WFIKKN1: variants seen among roughly 807,000 people sequenced by gnomAD.
WFIKKN1 encodes the protein WAP, Kazal, immunoglobulin, Kunitz and NTR domain-containing protein 1.
In WFIKKN1, 6 loss-of-function variants were observed where a neutral mutation model predicts 4.6. That is an observed-to-expected ratio of 1.31 (90% CI 0.72 to 2.59). The LOEUF is 2.59. WFIKKN1 is among the 30% of genes most tolerant of loss of function. The probability of loss-of-function intolerance (pLI) is 0.00; values close to 1 mark genes in which losing one functional copy is unlikely to be tolerated. For synonymous variants in WFIKKN1, 468 were observed against 367.4 expected (o/e 1.27, Z -3.13); for missense variants, 964 against 818.0 (o/e 1.18, Z -2.18).
chr16:631,134 G>A lies in WFIKKN1; in HGVS notation c.-120G>A, dbSNP rs1313157899. The A allele has an allele frequency of 3.3e-6, 4 of 1,199,900 alleles. No individual in the cohort carries two copies. Among genetic ancestry groups the A allele is most frequent in the Non-Finnish European group, 4.5e-6 (4 of 888,670 alleles). The allele number at this position is 1,199,900 out of a possible 1,614,324, so 74.3% of individuals were successfully genotyped here. A position where few individuals can be genotyped will look rare whatever the true frequency, so the allele number is the denominator to read the frequency against. ...CTCAGGGGCAAAAGGGAGCCCCGGG[G>A]TCCTGGTGGGGGCACCGACCACAGG... is the stretch of plus-strand genomic sequence containing the variant. On this transcript the variant is annotated 5_prime_UTR_variant, in exon 1 of 2. Transcript: ENST00000319070.
In WFIKKN1 at chr16:631,286, G is replaced by A. The variant is rs1355411439; in HGVS notation, c.33G>A (p.Leu11=). 1 of 1,591,772 alleles carries A rather than the reference G, an allele frequency of 6.3e-7. No individual in the cohort carries two copies. Among genetic ancestry groups the A allele is most frequent in the East Asian group, 2.3e-5 (1 of 44,282 alleles). MPALRPLLPL[L]LLLRLTSGAG... ...CCCTACGTCCACTCCTGCCGCTCCT[G>A]CTCCTCCTCCGGCTGACCTCGGGGG... Residue 11 remains leucine, a synonymous_variant, in exon 1 of 2, where the codon CTG becomes CTA. Coordinates refer to ENST00000319070, the MANE Select transcript of WFIKKN1 (RefSeq NM_053284.3).
chr16:631,488 AG>A, intron 1 of WFIKKN1, 64 bp downstream of exon 1: 1 of 1,558,420 alleles, frequency 6.4e-7, no homozygotes, highest in African/African-American at 1.4e-5. Context: ...ACCCTGCTGG[AG>A]GTGCCACCTT....
At chr16:632,255 G>A (rs966212917) in intron 1 of WFIKKN1, 6 of 265,484 alleles carry the variant, frequency 2.3e-5, no homozygotes, top group East Asian at 6.7e-5. Context: ...TGCTGCAGCC[G>A]ATGTCCAGCC....
In WFIKKN1 at chr16:633,706, C is replaced by T. The variant is rs1237017092; in HGVS notation, c.1296C>T (p.Arg432=). 6.3e-7 allele frequency: 1 copy of T among 1,585,988 alleles called. No homozygotes were observed. The highest frequency in any genetic ancestry group is 8.6e-7 in the Non-Finnish European group (1 of 1,166,594). The stretch of plus-strand genomic sequence containing the variant: ...GCAAGCTGGCGCTGAGCCTGTGCCG[C>T]AGCGACTTCGCCATCGTGGGGCGGC... The part of the protein sequence containing the change: ...LRSKLALSLC[R]SDFAIVGRLT... Residue 432 remains arginine, a synonymous_variant, in exon 2 of 2, where the codon CGC becomes CGT. Coordinates refer to ENST00000319070, the MANE Select transcript of WFIKKN1 (RefSeq NM_053284.3).
chr16:633,357 T>G lies in WFIKKN1; in HGVS notation c.947T>G (p.Leu316Arg). The change falls in exon 2 of 2, where the codon CTC (leucine) becomes CGC (arginine). Residue 316 changes from leucine (L) to arginine (R), a missense_variant. Leu to Arg is a moderately radical substitution (Grantham distance 102). Transcript: ENST00000319070. Reference protein sequence around the residue: ...CTGPTSPHLVLWHYDPQRGGC... With the variant: ...CTGPTSPHLVRWHYDPQRGGC... Reference sequence around the variant, plus strand: ...GGCCCCACTTCCCCACACCTTGTCCTCTGGCACTACGACCCGCAGCGGGGC... The same window carrying G: ...GGCCCCACTTCCCCACACCTTGTCCGCTGGCACTACGACCCGCAGCGGGGC... 2.5e-6 allele frequency: 4 copies of G among 1,574,244 alleles called. No individual in the cohort carries two copies. Among genetic ancestry groups the G allele is most frequent in the Non-Finnish European group, 2.6e-6 (3 of 1,165,426 alleles).
In WFIKKN1 at chr16:633,596, G is replaced by C; in HGVS notation, c.1186G>C (p.Gly396Arg). Residue 396 changes from glycine to arginine, a missense_variant, in exon 2 of 2, where the codon GGC becomes CGC. Gly to Arg is a moderately radical substitution (Grantham distance 125). Coordinates refer to ENST00000319070, the MANE Select transcript of WFIKKN1 (RefSeq NM_053284.3). ...CGTGTACGGTGGCTGCGAGGGCAAC[G>C]GCAACAACTTCCACAGCCGCGAGAG... Reference protein sequence around the residue: ...PFVYGGCEGNGNNFHSRESCE... With the variant: ...PFVYGGCEGNRNNFHSRESCE... 3 of 1,572,882 alleles carry C rather than the reference G, an allele frequency of 1.9e-6. No homozygotes were observed. The highest frequency in any genetic ancestry group is 4.8e-5 in the East Asian group (2 of 42,102).
chr16:633,545 C>G lies in WFIKKN1; in HGVS notation c.1135C>G (p.Pro379Ala). 2.0e-6 allele frequency: 3 copies of G among 1,534,986 alleles called. No homozygotes were observed. The highest frequency in any genetic ancestry group is 2.0e-5 in the Admixed American group (1 of 49,712). Residue 379 changes from proline (P) to alanine (A), a missense_variant, in exon 2 of 2, where the codon CCG becomes GCG. Coordinates refer to ENST00000319070, the MANE Select transcript of WFIKKN1 (RefSeq NM_053284.3). ...RGWEPRWAYSPLLQQCHPFVY... is the reference protein window; with the variant it reads ...RGWEPRWAYSALLQQCHPFVY... Reference sequence around the variant, plus strand: ...CTGGGAGCCGCGCTGGGCCTACAGCCCGCTGCTGCAGCAGTGCCATCCCTT... The same window carrying G: ...CTGGGAGCCGCGCTGGGCCTACAGCGCGCTGCTGCAGCAGTGCCATCCCTT...
chr16:633,131 G>T lies in WFIKKN1; in HGVS notation c.721G>T (p.Val241Leu), dbSNP rs1272562414. The T allele has an allele frequency of 6.2e-7, 1 of 1,607,184 alleles. No individual in the cohort carries two copies. Among genetic ancestry groups the T allele is most frequent in the Non-Finnish European group, 8.5e-7 (1 of 1,176,010 alleles). Residue 241 changes from valine (V) to leucine (L), a missense_variant, in exon 2 of 2, where the codon GTG (valine) becomes TTG (leucine). Physicochemically the swap from Val to Leu is conservative, Grantham distance 32 (BLOSUM62 1). Transcript: ENST00000319070. ...CCCTGATCAGATGTATGGCAACGTG[G>T]TGGTCACCAGCATCGGGCAGCTGGT... ...MRPDQMYGNV[V>L]VTSIGQLVLY... is the part of the protein sequence containing the mutation.
rs141968670 is a variant in WFIKKN1, at chr16:631,421, C to A, written c.168C>A (p.Asp56Glu). Residue 56 changes from aspartate (D) to glutamate (E), a missense_variant, in exon 1 of 2, where the codon GAC becomes GAA. Physicochemically the swap from Asp to Glu is conservative, Grantham distance 45. Coordinates refer to ENST00000319070, the MANE Select transcript of WFIKKN1 (RefSeq NM_053284.3). ...CCTGTGAGCGCGAGTGTAGCAGGGA[C>A]CAGGTGAGTGTGGTCGGGCCGGGGT... is the stretch of plus-strand genomic sequence containing the variant. ...QSTCERECSRDQDCAAAEKCC... is the reference protein window; with the variant it reads ...QSTCERECSREQDCAAAEKCC... The A allele has an allele frequency of 6.2e-7, 1 of 1,607,058 alleles. No homozygotes were observed. The highest frequency in any genetic ancestry group is 2.2e-5 in the East Asian group (1 of 44,518).
rs1322170311 is a variant in WFIKKN1, at chr16:633,721, C to T, written c.1311C>T (p.Ile437=). 1.9e-6 allele frequency: 3 copies of T among 1,587,416 alleles called. No individual in the cohort carries two copies. The highest frequency in any genetic ancestry group is 1.8e-5 in the Admixed American group (1 of 56,614). The change falls in exon 2 of 2, where the codon ATC becomes ATT. Residue 437 remains isoleucine (I), a synonymous_variant. Transcript: ENST00000319070. ...ALSLCRSDFA[I]VGRLTEVLEE... ...GCCTGTGCCGCAGCGACTTCGCCAT[C>T]GTGGGGCGGCTCACGGAGGTGCTGG...
rs149878346 is a variant in WFIKKN1 at position 633,475 on chromosome 16, C to T, written c.1065C>T (p.Pro355=). The change falls in exon 2 of 2, where the codon CCC becomes CCT. Residue 355 remains proline (P), a synonymous_variant. Transcript: ENST00000319070. ...EACQQACARG[P]GDACVLPAVQ... is the part of the protein sequence containing the mutation. ...GCCAGCAGGCCTGTGCCCGCGGCCC[C>T]GGCGACGCCTGCGTGCTGCCTGCCG... 925 of 1,520,724 alleles carry T rather than the reference C, an allele frequency of 6.1e-4. 3 individuals carry two copies. The African/African-American group carries it at 0.01, about 17-fold the overall frequency. The allele number at this position is 1,520,724 out of a possible 1,614,324, so 94.2% of individuals were successfully genotyped here. A position where few individuals can be genotyped will look rare whatever the true frequency, so the allele number is the denominator to read the frequency against.
Position 633,203 on chromosome 16 carries a change from G to A in WFIKKN1, c.793G>A (p.Ala265Thr), listed in dbSNP as rs534050552. 3.6e-5 allele frequency: 57 copies of A among 1,591,330 alleles called. No individual in the cohort carries two copies. Among genetic ancestry groups the A allele is most frequent in the Non-Finnish European group, 4.9e-5 (57 of 1,168,556 alleles). The change falls in exon 2 of 2, where the codon GCG becomes ACG. Residue 265 changes from alanine to threonine, a missense_variant. By Grantham distance (58) the Ala-to-Thr change is moderately conservative. Coordinates refer to ENST00000319070, the MANE Select transcript of WFIKKN1 (RefSeq NM_053284.3). ...PEDAGLYTCTARNAAGLLRAD... is the reference protein window; with the variant it reads ...PEDAGLYTCTTRNAAGLLRAD... ...AGACGCCGGCCTGTACACCTGCACC[G>A]CGCGCAACGCTGCTGGGCTGCTGCG...
Position 633,951 on chromosome 16 carries a change from T to C in WFIKKN1, c.1541T>C (p.Leu514Pro). Reference sequence around the variant, plus strand: ...GAGGTGCGCGATGGCGTGGCCGTGCTGGACGCCGGCAGCTACGTCCGCGCC... The same window carrying C: ...GAGGTGCGCGATGGCGTGGCCGTGCCGGACGCCGGCAGCTACGTCCGCGCC... ...MGEVRDGVAV[L>P]DAGSYVRAAS... Residue 514 changes from leucine (L) to proline (P), a missense_variant, in exon 2 of 2, where the codon CTG (leucine) becomes CCG (proline). By Grantham distance (98) the Leu-to-Pro change is moderately conservative (BLOSUM62 -3). Transcript: ENST00000319070. The C allele has an allele frequency of 6.3e-7, 1 of 1,596,732 alleles. No homozygotes were observed. The highest frequency in any genetic ancestry group is 8.5e-7 in the Non-Finnish European group (1 of 1,172,578).
At position 633,324 on chromosome 16, in the gene WFIKKN1, C is replaced by A. The variant is rs544094050; in HGVS notation, c.914C>A (p.Ala305Asp). ...APAECLPDVQACTGPTSPHLV... is the reference protein window; with the variant it reads ...APAECLPDVQDCTGPTSPHLV... ...GCCGAGTGCCTGCCGGATGTGCAGG[C>A]CTGCACGGGCCCCACTTCCCCACAC... The change falls in exon 2 of 2, where the codon GCC (alanine) becomes GAC (aspartate). Residue 305 changes from alanine to aspartate, a missense_variant. By Grantham distance (126) the Ala-to-Asp change is moderately radical. Transcript: ENST00000319070. 3.8e-5 allele frequency: 60 copies of A among 1,586,786 alleles called. No individual in the cohort carries two copies. The Admixed American group carries it at 1.0e-3, about 26-fold the overall frequency.
In WFIKKN1 at chr16:634,022, C is replaced by A; in HGVS notation, c.1612C>A (p.Gln538Lys). 1.3e-6 allele frequency: 2 copies of A among 1,598,126 alleles called. No individual in the cohort carries two copies. The highest frequency in any genetic ancestry group is 1.1e-5 in the South Asian group (1 of 89,314). Reference sequence around the variant, plus strand: ...GAAGATCTTGGAGCTGCTGGAGAAGCAGGCCTGCGAGCTGCTCAACCGCTT... The same window carrying A: ...GAAGATCTTGGAGCTGCTGGAGAAGAAGGCCTGCGAGCTGCTCAACCGCTT... ...VKKILELLEK[Q>K]ACELLNRFQD Residue 538 changes from glutamine to lysine, a missense_variant, in exon 2 of 2, where the codon CAG becomes AAG. By Grantham distance (53) the Gln-to-Lys change is moderately conservative (BLOSUM62 1). Coordinates refer to ENST00000319070, the MANE Select transcript of WFIKKN1 (RefSeq NM_053284.3).
Position 631,215 on chromosome 16 carries a change from G to C in WFIKKN1, c.-39G>C. ...GCTCTGTGGAGCCCGAGGAGGGGCT[G>C]GTGGCCACACCCCCCGGCCCCCTGG... On this transcript the variant is annotated 5_prime_UTR_variant, in exon 1 of 2. Transcript: ENST00000319070. 1 of 1,526,830 alleles carries C rather than the reference G, an allele frequency of 6.5e-7. No individual in the cohort carries two copies. The highest frequency in any genetic ancestry group is 8.7e-7 in the Non-Finnish European group (1 of 1,142,900). 94.6% of individuals were successfully genotyped at this position (1,526,830 alleles called of 1,614,324 possible).
Position 633,987 on chromosome 16 carries a change from A to G in WFIKKN1, c.1577A>G (p.Lys526Arg). The G allele has an allele frequency of 6.2e-7, 1 of 1,603,018 alleles. No individual in the cohort carries two copies. Among genetic ancestry groups the G allele is most frequent in the Non-Finnish European group, 8.5e-7 (1 of 1,175,586 alleles). The part of the protein sequence containing the change: ...AGSYVRAASE[K>R]RVKKILELLE... The stretch of plus-strand genomic sequence containing the variant: ...AGCTACGTCCGCGCCGCCAGCGAGA[A>G]GCGCGTCAAGAAGATCTTGGAGCTG... Residue 526 changes from lysine (K) to arginine (R), a missense_variant, in exon 2 of 2, where the codon AAG becomes AGG. Lys to Arg is a conservative substitution (Grantham distance 26). Coordinates refer to ENST00000319070, the MANE Select transcript of WFIKKN1 (RefSeq NM_053284.3).
In WFIKKN1 at chr16:634,088, G is replaced by A. The variant is rs1473436519; in HGVS notation, c.*31G>A. 1 of 1,511,258 alleles carries A rather than the reference G, an allele frequency of 6.6e-7. No homozygotes were observed. Among genetic ancestry groups the A allele is most frequent in the East Asian group, 2.3e-5 (1 of 42,974 alleles). 93.6% of individuals were successfully genotyped at this position (1,511,258 alleles called of 1,614,324 possible). Reference sequence around the variant, plus strand: ...GCAGGGGCCTGCGCCACCCCGTCCTGGTGAATAAACGCACTCCCTGTGCCT... The same window carrying A: ...GCAGGGGCCTGCGCCACCCCGTCCTAGTGAATAAACGCACTCCCTGTGCCT... On this transcript the variant is annotated 3_prime_UTR_variant, in exon 2 of 2. Transcript: ENST00000319070.
At chr16:631,562 ACC>A (rs2036948868) in intron 1 of WFIKKN1, 138 bp downstream of exon 1, 1 of 1,069,026 alleles carries the variant, frequency 9.4e-7, no homozygotes, top group African/African-American at 1.7e-5. Flanking sequence ...GCCCAGAGAC[ACC>A]CCCATCGTTG....
Sources: gnomAD v4.1 joint callset for allele counts on GRCh38, gnomAD v4.1.1 for gene constraint, MANE v1.5 for transcripts, NCBI Gene and HGNC (gene_info 2026-07-23, HGNC 2026-07-21) for gene names.